ABCD3: variants seen among roughly 807,000 people sequenced by gnomAD.
The protein encoded by ABCD3 is ATP binding cassette subfamily D member 3.
A neutral mutation model predicts 105.5 loss-of-function variants in ABCD3; 41 were observed. The ratio of observed to expected loss-of-function variants is 0.39; its 90% CI spans 0.30 to 0.50. The LOEUF is 0.50. Ranked by LOEUF, ABCD3 falls within the 20% of genes least tolerant of loss-of-function variation. The probability of loss-of-function intolerance (pLI) is 0.84; values close to 1 mark genes in which losing one functional copy is unlikely to be tolerated. For missense variants in ABCD3, 622 were observed against 806.3 expected, an observed-to-expected ratio of 0.77 and a Z score of 2.77; for synonymous variants, 258 against 269.0, an observed-to-expected ratio of 0.96 and a Z score of 0.40.
At chr1:94,487,046 G>A (rs1178259208) in intron 10 of ABCD3, among the ~76,000 whole-genome samples, 1 of 152,132 alleles carries the variant, frequency 6.6e-6, no homozygotes, top group African/African-American at 2.4e-5. Flanking sequence ...AGGCTGTGTG[G>A]CACTGATTTA....
rs990566957 is a variant in ABCD3, at chr1:94,438,280, C to G, written c.110+19692C>G. Among the ~76,000 whole-genome samples, 28 of 108,642 alleles carry G rather than the reference C, an allele frequency of 2.6e-4. 1 individual carries two copies. Among genetic ancestry groups the G allele is most frequent in the Non-Finnish European group, 1.8e-4 (9 of 49,414 alleles). 71.3% of individuals were successfully genotyped at this position (108,642 alleles called of 152,430 possible). On this transcript the variant is annotated intron_variant, in intron 1 of 22. Transcript: ENST00000370214. ...CCAGCCTGGCAACAGAGCAAGACTCCATCACACACACACACACACATACAC... is the reference window on the plus strand; with the variant it reads ...CCAGCCTGGCAACAGAGCAAGACTCGATCACACACACACACACACATACAC...
chr1:94,452,722 G>GTTTT (rs201578949), intron 1 of ABCD3, among the ~76,000 whole-genome samples: 3 of 150,128 alleles, frequency 2.0e-5, no homozygotes, highest in African/African-American at 7.3e-5. Context: ...GGTTTTTTTT[G>GTTTT]TTTTTTTTTG....
At chr1:94,455,772 G>A (rs965902253) in intron 1 of ABCD3, 2 of 1,143,970 alleles carry the variant, frequency 1.7e-6, no homozygotes, top group Non-Finnish European at 2.3e-6. Context: ...GTGATGAAGT[G>A]ATGGGAGAGC....
At chr1:94,410,115 A>AGC in the ABCD3 span, among the ~76,000 whole-genome samples, 1 of 152,214 alleles carries the variant, frequency 6.6e-6, no homozygotes, top group Non-Finnish European at 1.5e-5. Flanking sequence ...AATGGAACTG[A>AGC]GCATGCAAGT....
chr1:94,506,804 AAG>A (rs1486789880), intron 21 of ABCD3, among the ~76,000 whole-genome samples, 162 bp downstream of exon 21: 1 of 152,006 alleles, frequency 6.6e-6, no homozygotes, highest in African/African-American at 2.4e-5. Flanking sequence ...ATAAAAGAAA[AAG>A]AATTATAAAT....
rs750042675 is a variant in ABCD3, at chr1:94,487,687, G to A, written c.968-7G>A. On this transcript the variant is annotated splice_region_variant and splice_polypyrimidine_tract_variant and intron_variant, in intron 11 of 22. Coordinates refer to ENST00000370214, the MANE Select transcript of ABCD3 (RefSeq NM_002858.4). ...TACTGTTTTAAATCTTACCTGTTTG[G>A]TTTCAGACCTTGCCACTGTTGTTGG... 212 of 1,613,744 alleles carry A rather than the reference G, an allele frequency of 1.3e-4. 3 individuals carry two copies. In the Admixed American group the frequency reaches 2.2e-3, roughly 16 times the overall value.
At chr1:94,445,043 A>G (rs1416274092) in intron 1 of ABCD3, among the ~76,000 whole-genome samples, 1 of 152,184 alleles carries the variant, frequency 6.6e-6, no homozygotes, top group African/African-American at 2.4e-5. Context: ...AACTAGCCAG[A>G]CCCATCCCCT....
the ABCD3 span, among the ~76,000 whole-genome samples, chr1:94,390,867 C>T: frequency 6.6e-6 from 1 of 152,168 alleles, no homozygotes; most frequent in African/African-American, 2.4e-5. Flanking sequence ...ATGAGACATA[C>T]TTGAGCTAAA....
intron 1 of ABCD3, among the ~76,000 whole-genome samples, chr1:94,447,386 G>C (rs374811358): frequency 2.4e-4 from 37 of 152,076 alleles, no homozygotes; most frequent in African/African-American, 8.9e-4. Context: ...CTCCTGCTAT[G>C]ATTAAAAAAA....
intron 21 of ABCD3, among the ~76,000 whole-genome samples, chr1:94,507,079 C>T (rs1433133604): frequency 5.3e-5 from 8 of 151,738 alleles, no homozygotes; most frequent in Admixed American, 2.0e-4. Context: ...CATGCTGGTG[C>T]GCTGCACCCA....
At chr1:94,415,902 G>A (rs574598246), upstream of ABCD3, among the ~76,000 whole-genome samples, 1 of 152,032 alleles carries the variant, frequency 6.6e-6, no homozygotes, top group African/African-American at 2.4e-5. Flanking sequence ...AGTATCTTTT[G>A]CTGTAGCAAA....
At chr1:94,509,901 T>C (rs1237021794) in intron 21 of ABCD3, among the ~76,000 whole-genome samples, 1 of 152,196 alleles carries the variant, frequency 6.6e-6, no homozygotes, top group African/African-American at 2.4e-5. Context: ...TTAGTCTTGC[T>C]AGCAGTCTAT....
chr1:94,482,608 T>C (rs1342170249), intron 9 of ABCD3: 1 of 153,924 alleles, frequency 6.5e-6, no homozygotes, highest in Admixed American at 6.4e-5. Context: ...CTGTGGCCCT[T>C]GTGGACCCAT....
intron 1 of ABCD3, among the ~76,000 whole-genome samples, chr1:94,450,690 C>G (rs899949045): frequency 6.6e-6 from 1 of 152,112 alleles, no homozygotes; most frequent in African/African-American, 2.4e-5. Flanking sequence ...CTGTGAGACC[C>G]CTGATTTCCC....
the ABCD3 span, among the ~76,000 whole-genome samples, chr1:94,402,272 T>C: frequency 1.3e-5 from 2 of 152,254 alleles, no homozygotes; most frequent in African/African-American, 2.4e-5. Context: ...AATATGTCTT[T>C]AAATTTTCTA....
chr1:94,494,128 C>G (rs1335087757), intron 16 of ABCD3, among the ~76,000 whole-genome samples: 1 of 151,934 alleles, frequency 6.6e-6, no homozygotes, highest in Non-Finnish European at 1.5e-5. Flanking sequence ...AATAACTACC[C>G]TGTATTAAAA....
intron 13 of ABCD3, 94 bp from the exon 14 acceptor site, chr1:94,489,631 T>C (rs1649434825): frequency 1.2e-6 from 1 of 865,754 alleles, no homozygotes; most frequent in South Asian, 1.4e-5. Context: ...TCATTTATAC[T>C]AAATTATAAT....
intron 22 of ABCD3, among the ~76,000 whole-genome samples, chr1:94,516,003 C>T (rs1004483109): frequency 6.6e-6 from 1 of 151,842 alleles, no homozygotes; most frequent in Non-Finnish European, 1.5e-5. Flanking sequence ...CCTTGTTCCA[C>T]AAAATACATA....
chr1:94,443,810 G>T (rs1009137786), intron 1 of ABCD3, among the ~76,000 whole-genome samples: 2 of 152,002 alleles, frequency 1.3e-5, no homozygotes, highest in African/African-American at 4.8e-5. Flanking sequence ...GTTATTTCAG[G>T]GTTCTGTATT....
Sources: gnomAD v4.1 joint callset for allele counts (sites outside exome capture counted in the v4.1 genomes callset) on GRCh38, gnomAD v4.1.1 for gene constraint, MANE v1.5 for transcripts, NCBI Gene and HGNC (gene_info 2026-07-23, HGNC 2026-07-21) for gene names.